Variants in ZCCHC7 observed in about 807,000 individuals in gnomAD.
The protein encoded by ZCCHC7 is zinc finger CCHC-type containing 7, also known as zinc finger CCHC domain-containing protein 7.
Under a neutral mutation model 52.0 loss-of-function variants are expected in ZCCHC7, and 35 were observed. The observed-to-expected ratio is 0.67, with a 90% CI of 0.51 to 0.89. ZCCHC7 has a LOEUF of 0.89. Ranked by LOEUF, ZCCHC7 falls within the 40% of genes least tolerant of loss-of-function variation. The pLI, the probability that ZCCHC7 is intolerant of heterozygous loss-of-function variation, is 0.00. For missense variants in ZCCHC7, 574 were observed against 649.1 expected (o/e 0.88, Z 1.26); for synonymous variants, 217 against 221.5 (o/e 0.98, Z 0.18).
chr9:37,324,341 A>G (rs1227572711), intron 5 of ZCCHC7, among the ~76,000 whole-genome samples: 1 of 152,312 alleles, frequency 6.6e-6, no homozygotes, highest in Non-Finnish European at 1.5e-5. Context: ...GCTCTCATTA[A>G]GATTTGCCGC....
At chr9:37,268,770 G>A (rs1391651212) in intron 2 of ZCCHC7, among the ~76,000 whole-genome samples, 4 of 152,188 alleles carry the variant, frequency 2.6e-5, no homozygotes, top group Non-Finnish European at 1.5e-5. Context: ...GTTCTCAGCT[G>A]TGAAACTTTA....
intron 2 of ZCCHC7, among the ~76,000 whole-genome samples, chr9:37,199,985 C>T (rs772800537): frequency 2.0e-5 from 3 of 152,200 alleles, no homozygotes; most frequent in Non-Finnish European, 4.4e-5. Flanking sequence ...GGATTACAGG[C>T]GTGAGCCACT....
chr9:37,293,392 C>T (rs190970635), intron 2 of ZCCHC7, among the ~76,000 whole-genome samples: 1 of 152,242 alleles, frequency 6.6e-6, no homozygotes, highest in Non-Finnish European at 1.5e-5. Context: ...AAGAATGTAG[C>T]TTCCAGATTG....
chr9:37,239,878 T>A lies in ZCCHC7; in HGVS notation c.611-62310T>A, dbSNP rs191753354. Among the ~76,000 whole-genome samples, 19 of 152,216 alleles carry A rather than the reference T, an allele frequency of 1.2e-4. No homozygotes were observed. The East Asian group carries it at 3.5e-3, about 28-fold the overall frequency. ...TTCCTAAAGCTTTTAAACAAAGACTTTTTCTTTTTGCTGTTTTTATCTTTT... is the reference window on the plus strand; with the variant it reads ...TTCCTAAAGCTTTTAAACAAAGACTATTTCTTTTTGCTGTTTTTATCTTTT... On this transcript the variant is annotated intron_variant, in intron 2 of 8. Coordinates refer to ENST00000336755, the MANE Select transcript of ZCCHC7 (RefSeq NM_032226.3).
At chr9:37,183,308 A>G (rs980565965) in intron 2 of ZCCHC7, among the ~76,000 whole-genome samples, 16 of 152,244 alleles carry the variant, frequency 1.1e-4, no homozygotes, top group Non-Finnish European at 4.4e-5. Context: ...GTACTTGAAT[A>G]TAAAATATTA....
intron 5 of ZCCHC7, among the ~76,000 whole-genome samples, chr9:37,325,404 A>AT (rs1221243487): frequency 2.0e-5 from 3 of 152,278 alleles, no homozygotes; most frequent in East Asian, 1.9e-4. Flanking sequence ...CATTTTAAGT[A>AT]TTTTTTTAAT....
intron 2 of ZCCHC7, among the ~76,000 whole-genome samples, chr9:37,252,917 C>T (rs942672603): frequency 6.6e-6 from 1 of 152,066 alleles, no homozygotes; most frequent in East Asian, 1.9e-4. Context: ...CTTCTGAGAC[C>T]CCCACTTAAT....
chr9:37,236,548 C>T (rs1481627235), intron 2 of ZCCHC7, among the ~76,000 whole-genome samples: 2 of 152,026 alleles, frequency 1.3e-5, no homozygotes, highest in Non-Finnish European at 2.9e-5. Flanking sequence ...CCCGCCACCA[C>T]GCCCGGCTAA....
At chr9:37,151,434 T>G (rs1337404777) in intron 2 of ZCCHC7, among the ~76,000 whole-genome samples, 2 of 152,200 alleles carry the variant, frequency 1.3e-5, no homozygotes, top group Non-Finnish European at 1.5e-5. Flanking sequence ...AGGGTAGCTT[T>G]TATTTTACTT....
intron 2 of ZCCHC7, among the ~76,000 whole-genome samples, chr9:37,170,412 A>G (rs1821666557): frequency 6.6e-6 from 1 of 152,198 alleles, no homozygotes; most frequent in South Asian, 2.1e-4. Flanking sequence ...ATTCTCACAT[A>G]CCAATTCCAA....
intron 5 of ZCCHC7, among the ~76,000 whole-genome samples, chr9:37,309,808 A>G (rs7046505): frequency 0.051 from 7,706 of 151,960 alleles, 638 homozygotes; most frequent in African/African-American, 0.17. Flanking sequence ...TGTAATTCCA[A>G]CTACTGGGAA....
At chr9:37,176,900 T>C (rs908413798) in intron 2 of ZCCHC7, among the ~76,000 whole-genome samples, 1 of 152,184 alleles carries the variant, frequency 6.6e-6, no homozygotes, top group Admixed American at 6.5e-5. Flanking sequence ...TAGCAGTCAA[T>C]ATATAGAGAT....
intron 6 of ZCCHC7, among the ~76,000 whole-genome samples, chr9:37,343,117 C>T (rs1469036080): frequency 6.6e-6 from 1 of 152,148 alleles, no homozygotes; most frequent in Non-Finnish European, 1.5e-5. Context: ...CAGTAATTGC[C>T]GTTGAGGAAA....
intron 6 of ZCCHC7, among the ~76,000 whole-genome samples, chr9:37,348,390 C>CTTTCTTTCTTTCTTTCT (rs1554736711): frequency 1.3e-4 from 17 of 133,284 alleles, no homozygotes; most frequent in Admixed American, 5.8e-4. Flanking sequence ...TTCTTTCTTT[C>CTTTCTTTCTTTCTTTCT]TTTTTTGACA....
At chr9:37,356,639 T>C (rs1489759713) in intron 8 of ZCCHC7, among the ~76,000 whole-genome samples, 196 bp from the exon 9 acceptor site, 2 of 152,180 alleles carry the variant, frequency 1.3e-5, no homozygotes, top group African/African-American at 2.4e-5. Flanking sequence ...TTAACTATCA[T>C]TGGATTTCTG....
intron 2 of ZCCHC7, among the ~76,000 whole-genome samples, chr9:37,178,478 G>T (rs890190741): frequency 6.0e-5 from 9 of 149,414 alleles, no homozygotes; most frequent in African/African-American, 2.2e-4. Context: ...AGGTAAAAGA[G>T]AAAGTAGAAA....
chr9:37,310,728 A>G (rs1460061175), intron 5 of ZCCHC7, among the ~76,000 whole-genome samples: 2 of 152,078 alleles, frequency 1.3e-5, no homozygotes, highest in Non-Finnish European at 2.9e-5. Flanking sequence ...TAGCTCTAAT[A>G]AGCAACTTTA....
intron 2 of ZCCHC7, among the ~76,000 whole-genome samples, chr9:37,269,643 A>AC (rs1705082296): frequency 6.7e-6 from 1 of 148,724 alleles, no homozygotes; most frequent in African/African-American, 2.5e-5. Context: ...AAAAAAAAAA[A>AC]AAACAAAAGA....
rs1036625685 is a variant in ZCCHC7, at chr9:37,289,339, CAG to C, written c.611-12848_611-12847del. On this transcript the variant is annotated intron_variant, in intron 2 of 8. Transcript: ENST00000336755. ...TAATTTTTTGTATTTTTAGTAGAGA[CAG>C]TGTTTCACCATGTTGGCCCGGCTGG... 5.3e-4 allele frequency among the ~76,000 whole-genome samples: 80 copies of C among 152,052 alleles called. 1 individual carries two copies. Among genetic ancestry groups the C allele is most frequent in the African/African-American group, 1.8e-3 (76 of 41,480 alleles).
Sources: allele counts gnomAD v4.1 joint callset (sites outside exome capture counted in the v4.1 genomes callset), GRCh38; gene constraint gnomAD v4.1.1; transcripts MANE v1.5; gene names NCBI Gene and HGNC (gene_info 2026-07-23, HGNC 2026-07-21).